Variants in BTAF1 observed in about 807,000 individuals in gnomAD.
The protein encoded by BTAF1 is TATA-binding protein-associated factor 172.
A neutral mutation model predicts 227.1 loss-of-function variants in BTAF1; 38 were observed. The observed-to-expected ratio is 0.17, with a 90% CI of 0.13 to 0.22. The LOEUF (loss-of-function observed/expected upper bound fraction) is 0.22. Among genes scored for constraint, BTAF1 ranks in the 10% least tolerant of loss-of-function variants. The pLI, the probability that BTAF1 is intolerant of heterozygous loss-of-function variation, is 1.00. For missense variants in BTAF1, 1,598 were observed against 2,204.0 expected, an observed-to-expected ratio of 0.73 and a Z score of 5.51; for synonymous variants, 742 against 751.9, an observed-to-expected ratio of 0.99 and a Z score of 0.21.
chr10:91,963,461 TCCCC>T (rs1356888372), intron 12 of BTAF1, among the ~76,000 whole-genome samples: 1 of 148,906 alleles, frequency 6.7e-6, no homozygotes, highest in Non-Finnish European at 1.5e-5. Context: ...GATGGGGGAG[TCCCC>T]CTATGTTGCC....
In BTAF1 at chr10:91,989,019, C is replaced by T. The variant is rs547751594; in HGVS notation, c.2428-135C>T. On this transcript the variant is annotated intron_variant, in intron 19 of 37. Transcript: ENST00000265990. ...TTGGGAAGTTTTAGACATTAGTTTACTGAGTACTAAAACAATATTACATAT... is the reference window on the plus strand; with the variant it reads ...TTGGGAAGTTTTAGACATTAGTTTATTGAGTACTAAAACAATATTACATAT... 2.8e-5 allele frequency: 19 copies of T among 677,740 alleles called. 1 individual carries two copies. In the South Asian group the frequency reaches 4.5e-4, roughly 16 times the overall value. 42.0% of individuals were successfully genotyped at this position (677,740 alleles called of 1,614,324 possible). A position where few individuals can be genotyped will look rare whatever the true frequency, so the allele number is the denominator to read the frequency against.
intron 19 of BTAF1, among the ~76,000 whole-genome samples, chr10:91,985,973 A>G (rs1053439425): frequency 6.7e-6 from 1 of 149,126 alleles, no homozygotes; most frequent in African/African-American, 2.5e-5. Flanking sequence ...GTGAATTCTA[A>G]TTTATCAGTT....
chr10:91,975,315 A>G (rs754178170), intron 14 of BTAF1, among the ~76,000 whole-genome samples: 5 of 152,246 alleles, frequency 3.3e-5, no homozygotes, highest in Non-Finnish European at 7.3e-5. Flanking sequence ...AAAATTTAAC[A>G]TACACAAATA....
At chr10:91,956,026 TTTAAGTCA>T (rs1057002378) in intron 6 of BTAF1, among the ~76,000 whole-genome samples, 5 of 152,228 alleles carry the variant, frequency 3.3e-5, no homozygotes, top group Non-Finnish European at 5.9e-5. Flanking sequence ...ATTTTTGGTC[TTTAAGTCA>T]TAATAGAACA....
chr10:91,989,847 CCCTTA>C (rs1848623567), intron 20 of BTAF1, among the ~76,000 whole-genome samples: 1 of 152,134 alleles, frequency 6.6e-6, no homozygotes, highest in Admixed American at 6.5e-5. Context: ...CAGGTGTTCA[CCCTTA>C]CCTTTGCCTT....
At position 92,018,621 on chromosome 10, in the gene BTAF1, C is replaced by G. The variant is rs557775701; in HGVS notation, c.4711-162C>G. ...AACTGCACAAGAATCTCAAATGAGA[C>G]ATTTGAACTGGTTCTTGAAGAATGA... is the stretch of plus-strand genomic sequence containing the variant. On this transcript the variant is annotated intron_variant, in intron 33 of 37. Transcript: ENST00000265990. Among the ~76,000 whole-genome samples the G allele has an allele frequency of 2.0e-5, 3 of 152,258 alleles. No homozygotes were observed. The East Asian group carries it at 5.8e-4, about 29-fold the overall frequency.
At chr10:92,006,049 A>T (rs1439220499) in intron 25 of BTAF1, among the ~76,000 whole-genome samples, 2 of 151,746 alleles carry the variant, frequency 1.3e-5, no homozygotes, top group Non-Finnish European at 2.9e-5. Flanking sequence ...ATTTTTTAAA[A>T]TTTTTTGTAG....
intron 25 of BTAF1, among the ~76,000 whole-genome samples, chr10:91,998,435 G>C (rs1319068369): frequency 1.3e-5 from 2 of 151,894 alleles, no homozygotes. Flanking sequence ...TTTGAGAGAT[G>C]GTAATTAAGA....
chr10:92,030,682 G>C lies in BTAF1; in HGVS notation c.*1749G>C, dbSNP rs1388556943. ...TATTTAGGCTGTTTAAACTTTCTGA[G>C]AGTTTAATCAAAAGGTGTGTATTTC... On this transcript the variant is annotated 3_prime_UTR_variant, in exon 38 of 38. Transcript: ENST00000265990. 6.6e-6 allele frequency among the ~76,000 whole-genome samples: 1 copy of C among 152,132 alleles called. No homozygotes were observed. Among genetic ancestry groups the C allele is most frequent in the Non-Finnish European group, 1.5e-5 (1 of 68,010 alleles).
intron 25 of BTAF1, among the ~76,000 whole-genome samples, chr10:92,004,718 G>T (rs1250452702): frequency 6.6e-6 from 1 of 152,080 alleles, no homozygotes; most frequent in Non-Finnish European, 1.5e-5. Context: ...CAGTCCTCCT[G>T]CCTCAGTCTC....
chr10:91,956,206 T>G (rs1273078897), intron 6 of BTAF1, among the ~76,000 whole-genome samples: 1 of 152,172 alleles, frequency 6.6e-6, no homozygotes, highest in Non-Finnish European at 1.5e-5. Flanking sequence ...GCAGGTTATA[T>G]GCAGGTTATA....
Position 91,982,733 on chromosome 10 carries a change from T to A in BTAF1, c.2195T>A (p.Val732Glu), listed in dbSNP as rs1401496702. 6.2e-7 allele frequency: 1 copy of A among 1,612,446 alleles called. No homozygotes were observed. The highest frequency in any genetic ancestry group is 8.5e-7 in the Non-Finnish European group (1 of 1,179,278). Residue 732 changes from valine to glutamate, a missense_variant, in exon 18 of 38, where the codon GTA becomes GAA. By Grantham distance (121) the Val-to-Glu change is moderately radical. Coordinates refer to ENST00000265990, the MANE Select transcript of BTAF1 (RefSeq NM_003972.3). ...SALQRISVALVICEWAALQKE... is the reference protein window; with the variant it reads ...SALQRISVALEICEWAALQKE... ...TTACAGAGGATTAGTGTAGCTTTGG[T>A]AATCTGTGAATGGGCTGCTTTACAA...
intron 12 of BTAF1, 76 bp from the exon 13 acceptor site, chr10:91,964,001 C>G (rs771195524): frequency 4.0e-4 from 612 of 1,527,420 alleles, no homozygotes; most frequent in Middle Eastern, 1.0e-3. Context: ...AGTAGTGACC[C>G]CTGGGATACC....
At chr10:91,936,880 C>G (rs952843010) in intron 2 of BTAF1, among the ~76,000 whole-genome samples, 1 of 152,176 alleles carries the variant, frequency 6.6e-6, no homozygotes, top group African/African-American at 2.4e-5. Flanking sequence ...TGGTCTTCTT[C>G]ACTCAGACCT....
At chr10:92,000,023 C>G (rs1415320721) in intron 25 of BTAF1, among the ~76,000 whole-genome samples, 1 of 152,034 alleles carries the variant, frequency 6.6e-6, no homozygotes, top group Admixed American at 6.5e-5. Flanking sequence ...TTTTCTTGAT[C>G]TGGTTGTATA....
chr10:91,993,108 A>G (rs562628720), intron 21 of BTAF1, among the ~76,000 whole-genome samples: 42 of 152,334 alleles, frequency 2.8e-4, no homozygotes, highest in Admixed American at 3.9e-4. Flanking sequence ...TTTCATTGAC[A>G]ATATTTCCCT....
chr10:91,991,279 T>TATATATATATATATATAA lies in BTAF1; in HGVS notation c.2855-827_2855-826insTATAAATATATATATATA, dbSNP rs1256838673. On this transcript the variant is annotated intron_variant, in intron 20 of 37. Coordinates refer to ENST00000265990, the MANE Select transcript of BTAF1 (RefSeq NM_003972.3). ...ATATAAATATAAATATAAATATATATATATATATATATAAATTATCCGGAC... is the reference window on the plus strand; with the variant it reads ...ATATAAATATAAATATAAATATATATATATATATATATATATAAATATATATATATAAATTATCCGGAC... 4.1e-4 allele frequency among the ~76,000 whole-genome samples: 40 copies of TATATATATATATATATAA among 98,396 alleles called. 1 individual carries two copies. Among genetic ancestry groups the TATATATATATATATATAA allele is most frequent in the East Asian group, 1.1e-3 (3 of 2,834 alleles). The allele number at this position is 98,396 out of a possible 152,430, so 64.6% of individuals were successfully genotyped here.
intron 37 of BTAF1, 21 bp downstream of exon 37, chr10:92,027,321 G>A (rs773497249): frequency 6.3e-7 from 1 of 1,578,312 alleles, no homozygotes; most frequent in East Asian, 2.2e-5. Context: ...TACACAATTT[G>A]TTGTATCTTT....
intron 32 of BTAF1, 38 bp downstream of exon 32, chr10:92,014,067 T>C: frequency 1.9e-6 from 3 of 1,581,068 alleles, no homozygotes; most frequent in Non-Finnish European, 2.6e-6. Flanking sequence ...AGTGGTATGT[T>C]TATTAGCAGA....
Sources: allele counts gnomAD v4.1 joint callset (sites outside exome capture counted in the v4.1 genomes callset), GRCh38; gene constraint gnomAD v4.1.1; transcripts MANE v1.5; gene names NCBI Gene and HGNC (gene_info 2026-07-23, HGNC 2026-07-21).